PLLP: variants seen among roughly 807,000 people sequenced by gnomAD.
PLLP encodes the protein plasmolipin, also known as plasma membrane proteolipid (plasmolipin).
PLLP carries 15 observed loss-of-function variants against 19.7 expected under a neutral mutation model. The observed-to-expected ratio is 0.76, with a 90% CI of 0.51 to 1.17. The LOEUF is 1.17. PLLP is among the 50% of genes most tolerant of loss of function. PLLP has a pLI of 0.00. For missense variants in PLLP, 255 were observed against 258.3 expected (o/e 0.99, Z 0.09); for synonymous variants, 111 against 116.3 (o/e 0.95, Z 0.29).
chr16:57,270,249 GC>G (rs2075470311), intron 1 of PLLP, among the ~76,000 whole-genome samples: 1 of 50,558 alleles, frequency 2.0e-5, no homozygotes, highest in Non-Finnish European at 3.5e-5. Context: ...TCATTCCCCA[GC>G]CCCCGAGTCC....
intron 1 of PLLP, among the ~76,000 whole-genome samples, chr16:57,268,374 C>T (rs935216687): frequency 5.9e-5 from 9 of 152,190 alleles, no homozygotes; most frequent in South Asian, 2.1e-4. Flanking sequence ...CTTGAATTCA[C>T]GCTCTGGCCC....
In PLLP at chr16:57,257,030, C is replaced by T. The variant is rs1567528191; in HGVS notation, c.433-1G>A. The T allele has an allele frequency of 1.2e-6, 2 of 1,608,152 alleles. No homozygotes were observed. Among genetic ancestry groups the T allele is most frequent in the South Asian group, 2.2e-5 (2 of 90,964 alleles). ...CGATCATCACCAAACACGCAAAGAA[C>T]TGAAAGAGAGGTGAGAAGGGCTTAA... is the stretch of plus-strand genomic sequence containing the variant. On this transcript the variant is annotated splice_acceptor_variant, in intron 3 of 3. Transcript: ENST00000219207. LOFTEE classifies it high-confidence loss of function.
chr16:57,268,011 G>C (rs2075463061), intron 1 of PLLP, among the ~76,000 whole-genome samples: 1 of 152,136 alleles, frequency 6.6e-6, no homozygotes, highest in Non-Finnish European at 1.5e-5. Context: ...GAGAAATGTG[G>C]ACACAGAGAC....
At chr16:57,278,614 G>C (rs1901182367) in intron 1 of PLLP, among the ~76,000 whole-genome samples, 1 of 152,136 alleles carries the variant, frequency 6.6e-6, no homozygotes, top group Admixed American at 6.6e-5. Flanking sequence ...GGGGAGTGTG[G>C]GGGGAACTAA....
At chr16:57,262,348 T>C (rs1481259959) in intron 1 of PLLP, among the ~76,000 whole-genome samples, 2 of 152,046 alleles carry the variant, frequency 1.3e-5, no homozygotes, top group Admixed American at 6.6e-5. Flanking sequence ...GGTCAGGAGT[T>C]CGAGACCAGC....
chr16:57,281,317 T>G (rs1306575884), intron 1 of PLLP, among the ~76,000 whole-genome samples: 4 of 152,112 alleles, frequency 2.6e-5, no homozygotes, highest in Non-Finnish European at 5.9e-5. Context: ...TGGGGCCGAC[T>G]AAGAAGATCT....
At chr16:57,280,205 G>A (rs1236763035) in intron 1 of PLLP, among the ~76,000 whole-genome samples, 1 of 152,138 alleles carries the variant, frequency 6.6e-6, no homozygotes, top group Non-Finnish European at 1.5e-5. Context: ...CTAGAGCCAG[G>A]TTTTGGATTT....
At chr16:57,278,233 G>A (rs1469912102) in intron 1 of PLLP, among the ~76,000 whole-genome samples, 2 of 152,052 alleles carry the variant, frequency 1.3e-5, no homozygotes, top group Non-Finnish European at 2.9e-5. Context: ...CCAGCTATTC[G>A]GGAGGCTGAG....
chr16:57,261,881 C>T lies in PLLP; in HGVS notation c.309+16G>A. 5 of 1,612,216 alleles carry T rather than the reference C, an allele frequency of 3.1e-6. No homozygotes were observed. Among genetic ancestry groups the T allele is most frequent in the Non-Finnish European group, 4.2e-6 (5 of 1,178,326 alleles). On this transcript the variant is annotated intron_variant, in intron 2 of 3. Coordinates refer to ENST00000219207, the MANE Select transcript of PLLP (RefSeq NM_015993.3). ...GTCCTGTCATAGCCACTTCCAGTAC[C>T]CCCACCCAGACTCACCACCAGTGGC...
intron 1 of PLLP, among the ~76,000 whole-genome samples, chr16:57,278,395 ACTAT>A (rs1760272965): frequency 2.0e-5 from 3 of 152,302 alleles, no homozygotes; most frequent in Non-Finnish European, 4.4e-5. Context: ...ACAGAATAAA[ACTAT>A]CAATGTTTTC....
At chr16:57,262,959 C>G (rs1383272780) in intron 1 of PLLP, among the ~76,000 whole-genome samples, 1 of 152,154 alleles carries the variant, frequency 6.6e-6, no homozygotes, top group Non-Finnish European at 1.5e-5. Flanking sequence ...CTTCCCCAGA[C>G]TGCGAGCTCC....
chr16:57,278,500 T>C (rs1405568374), intron 1 of PLLP, among the ~76,000 whole-genome samples: 1 of 152,208 alleles, frequency 6.6e-6, no homozygotes, highest in Non-Finnish European at 1.5e-5. Context: ...TTTAGTGTAA[T>C]CTGTACAGGT....
In PLLP at chr16:57,284,294, C is replaced by T. The variant is rs147678343; in HGVS notation, c.135+112G>A. The T allele has an allele frequency of 1.4e-4, 136 of 996,356 alleles. No homozygotes were observed. In the Middle Eastern group the frequency reaches 2.3e-3, roughly 17 times the overall value. The allele number at this position is 996,356 out of a possible 1,614,324, so 61.7% of individuals were successfully genotyped here. On this transcript the variant is annotated intron_variant, in intron 1 of 3. Coordinates refer to ENST00000219207, the MANE Select transcript of PLLP (RefSeq NM_015993.3). ...CAGCGCGTCGGTGACAGTGTGAGCC[C>T]GGGTGGGGAGCGCAAGGTTCGCGAA...
At chr16:57,261,834 T>C in intron 2 of PLLP, 63 bp downstream of exon 2, 1 of 1,489,530 alleles carries the variant, frequency 6.7e-7, no homozygotes, top group Non-Finnish European at 9.4e-7. Context: ...CCCTGCCACT[T>C]CTTCTAGGGA....
chr16:57,284,597 G>A lies in PLLP; in HGVS notation c.-57C>T, dbSNP rs1901263064. On this transcript the variant is annotated 5_prime_UTR_variant, in exon 1 of 4. Coordinates refer to ENST00000219207, the MANE Select transcript of PLLP (RefSeq NM_015993.3). Reference sequence around the variant, plus strand: ...GGCCGCCGTCGCCGCCCCTCCAGCGGTGGGTGCCGGCTCCCGCGCCGCTTT... The same window carrying A: ...GGCCGCCGTCGCCGCCCCTCCAGCGATGGGTGCCGGCTCCCGCGCCGCTTT... 3.1e-6 allele frequency: 4 copies of A among 1,297,754 alleles called. No homozygotes were observed. The highest frequency in any genetic ancestry group is 2.6e-5 in the South Asian group (1 of 38,962). 80.4% of individuals were successfully genotyped at this position (1,297,754 alleles called of 1,614,324 possible). A position where few individuals can be genotyped will look rare whatever the true frequency, so the allele number is the denominator to read the frequency against.
chr16:57,282,043 C>T (rs1461906569), intron 1 of PLLP, among the ~76,000 whole-genome samples: 3 of 152,082 alleles, frequency 2.0e-5, no homozygotes, highest in African/African-American at 7.2e-5. Flanking sequence ...CCCAGATGCG[C>T]AGGGCTGGAT....
At chr16:57,257,325 C>T (rs1420303332) in intron 3 of PLLP, among the ~76,000 whole-genome samples, 1 of 152,162 alleles carries the variant, frequency 6.6e-6, no homozygotes, top group Non-Finnish European at 1.5e-5. Flanking sequence ...GGATTTAGTT[C>T]TAAAAAGACA....
intron 1 of PLLP, among the ~76,000 whole-genome samples, chr16:57,270,765 G>A (rs1028681399): frequency 2.0e-5 from 3 of 152,108 alleles, no homozygotes. Context: ...TCCAGCATTC[G>A]AGGATCCTGG....
intron 2 of PLLP, among the ~76,000 whole-genome samples, chr16:57,259,814 T>C (rs1183452063): frequency 6.6e-6 from 1 of 151,474 alleles, no homozygotes; most frequent in African/African-American, 2.4e-5. Context: ...TCGTCTCCAA[T>C]AAAAATACAA....
Sources: allele counts gnomAD v4.1 joint callset (sites outside exome capture counted in the v4.1 genomes callset), GRCh38; gene constraint gnomAD v4.1.1; transcripts MANE v1.5; gene names NCBI Gene and HGNC (gene_info 2026-07-23, HGNC 2026-07-21).